RASGRF1: variants seen among roughly 807,000 people sequenced by gnomAD.
RASGRF1 encodes ras-specific guanine nucleotide-releasing factor 1.
Under a neutral mutation model 138.7 loss-of-function variants are expected in RASGRF1, and 40 were observed. That is an observed-to-expected ratio of 0.29 (90% CI 0.22 to 0.38). The LOEUF is 0.38. Ranked by LOEUF, RASGRF1 falls within the 10% of genes least tolerant of loss-of-function variation. The probability of loss-of-function intolerance (pLI) is 1.00; values close to 1 mark genes in which losing one functional copy is unlikely to be tolerated. For synonymous variants in RASGRF1, 614 were observed against 663.2 expected (o/e 0.93, Z 1.14); for missense variants, 1,108 against 1,650.4 (o/e 0.67, Z 5.69).
Position 79,049,549 on chromosome 15 carries a change from T to A in RASGRF1, c.571A>T (p.Thr191Ser). 1 of 1,614,048 alleles carries A rather than the reference T, an allele frequency of 6.2e-7. No homozygotes were observed. The highest frequency in any genetic ancestry group is 8.5e-7 in the Non-Finnish European group (1 of 1,179,998). Residue 191 changes from threonine (T) to serine (S), a missense_variant, in exon 4 of 27, where the codon ACC (threonine) becomes TCC (serine). Physicochemically the swap from Thr to Ser is moderately conservative, Grantham distance 58. This residue lies in a region of RASGRF1 where 253 missense variants were observed against 329.5 expected (regional missense o/e 0.77). Coordinates refer to ENST00000558480, the MANE Select transcript of RASGRF1 (RefSeq NM_001145648.3). ...TCATCGTTGGGGGCGACAGTCTGGG[T>A]GGACTGGATGCGCTCATTGTCCTTG... is the stretch of plus-strand genomic sequence containing the variant. ...LLKDNERIQS[T>S]QTVAPNDEDS...
chr15:79,026,973 C>A (rs994829364), intron 9 of RASGRF1, among the ~76,000 whole-genome samples: 1 of 152,138 alleles, frequency 6.6e-6, no homozygotes, highest in African/African-American at 2.4e-5. Context: ...TCCAAGGCAG[C>A]TGCACAGGCC....
intron 17 of RASGRF1, 31 bp from the exon 18 acceptor site, chr15:78,998,856 G>T: frequency 6.5e-7 from 1 of 1,532,388 alleles, no homozygotes; most frequent in Non-Finnish European, 9.0e-7. Flanking sequence ...GGGGAGAGAG[G>T]ACAGGTGAGG....
At chr15:79,035,686 C>T (rs2141007574) in intron 5 of RASGRF1, among the ~76,000 whole-genome samples, 1 of 152,338 alleles carries the variant, frequency 6.6e-6, no homozygotes, top group African/African-American at 2.4e-5. Context: ...CTGAAATCTG[C>T]CTGATGCCCC....
chr15:79,032,203 T>G lies in RASGRF1; in HGVS notation c.1072A>C (p.Lys358Gln). The G allele has an allele frequency of 6.2e-7, 1 of 1,614,086 alleles. No homozygotes were observed. The highest frequency in any genetic ancestry group is 2.2e-5 in the East Asian group (1 of 44,884). Residue 358 changes from lysine to glutamine, a missense_variant, in exon 7 of 27, where the codon AAG becomes CAG. By Grantham distance (53) the Lys-to-Gln change is moderately conservative. Transcript: ENST00000558480. The surrounding 1 kb of genome is among the most constrained non-coding windows in gnomAD (Gnocchi z 4.5). ...AHCKQNRDFD[K>Q]LLKHYEAKPD... ...TTGGCCTCGTAGTGCTTCAGCAGCTTGTCGAAGTCACGGTTCTGCTTGCAG... is the reference window on the plus strand; with the variant it reads ...TTGGCCTCGTAGTGCTTCAGCAGCTGGTCGAAGTCACGGTTCTGCTTGCAG...
chr15:79,018,058 C>G (rs572237811), intron 11 of RASGRF1, 152 bp from the exon 12 acceptor site: 1 of 1,043,572 alleles, frequency 9.6e-7, no homozygotes, highest in African/African-American at 1.6e-5. Context: ...TATTATTTTC[C>G]TAAGTGGGAA....
intron 1 of RASGRF1, among the ~76,000 whole-genome samples, chr15:79,070,159 G>A (rs749336983): frequency 6.6e-6 from 1 of 152,224 alleles, no homozygotes; most frequent in Non-Finnish European, 1.5e-5. Flanking sequence ...CCACAGGTGT[G>A]AGGTTGGGTC....
chr15:78,969,259 G>C (rs1340527642), intron 26 of RASGRF1, among the ~76,000 whole-genome samples: 1 of 152,200 alleles, frequency 6.6e-6, no homozygotes, highest in African/African-American at 2.4e-5. Context: ...GAGTTACAGA[G>C]CAGTTGTCTC....
rs1372338840 is a variant in RASGRF1 at position 79,090,599 on chromosome 15, G to GCTCGCTCC, written c.-109_-102dup. ...CGCTGCCTCTCTCTGGCGCTCGCTC[G>GCTCGCTCC]CTCGCTCCCTCTAGCTCTCCCCTCC... is the stretch of plus-strand genomic sequence containing the variant. On this transcript the variant is annotated 5_prime_UTR_variant, in exon 1 of 27. Coordinates refer to ENST00000558480, the MANE Select transcript of RASGRF1 (RefSeq NM_001145648.3). The GCTCGCTCC allele has an allele frequency of 1.7e-5, 25 of 1,509,730 alleles. No individual in the cohort carries two copies. Among genetic ancestry groups the GCTCGCTCC allele is most frequent in the Non-Finnish European group, 2.1e-5 (24 of 1,117,026 alleles). The allele number at this position is 1,509,730 out of a possible 1,614,324, so 93.5% of individuals were successfully genotyped here.
intron 4 of RASGRF1, 73 bp downstream of exon 4, chr15:79,049,423 G>T: frequency 7.0e-7 from 1 of 1,425,500 alleles, no homozygotes; most frequent in East Asian, 2.3e-5. Context: ...CTGTGGTGTG[G>T]ATACTGCCAA....
In RASGRF1 at chr15:79,066,628, ACT is replaced by A. The variant is rs780516604; in HGVS notation, c.277-2104_277-2103del. 5.9e-5 allele frequency among the ~76,000 whole-genome samples: 9 copies of A among 152,010 alleles called. No individual in the cohort carries two copies. The East Asian group carries it at 1.7e-3, about 29-fold the overall frequency. ...GTGATGGGCTTGGCTGAGGCCTTTC[ACT>A]CTTCACAGAGACTTCTTCCCAATCA... On this transcript the variant is annotated intron_variant, in intron 1 of 26. Transcript: ENST00000558480.
intron 1 of RASGRF1, among the ~76,000 whole-genome samples, chr15:79,069,491 G>C (rs952087862): frequency 2.6e-5 from 4 of 152,150 alleles, no homozygotes; most frequent in Admixed American, 6.5e-5. Context: ...TGGAGCCCTG[G>C]GAGTGAGGAA....
intron 13 of RASGRF1, among the ~76,000 whole-genome samples, chr15:79,015,038 AACC>A (rs1202512374): frequency 1.3e-5 from 2 of 152,132 alleles, no homozygotes; most frequent in Non-Finnish European, 2.9e-5. Flanking sequence ...AAATCTCACA[AACC>A]ACCACTAAAG....
chr15:79,063,288 T>G (rs1356340248), intron 2 of RASGRF1, among the ~76,000 whole-genome samples: 2 of 152,172 alleles, frequency 1.3e-5, no homozygotes, highest in African/African-American at 4.8e-5. Context: ...GTAGCTAGAA[T>G]GGATACCCCT....
Position 78,998,797 on chromosome 15 carries a change from G to C in RASGRF1, c.2775C>G (p.Asp925Glu). The change falls in exon 18 of 27, where the codon GAC (aspartate) becomes GAG (glutamate). Residue 925 changes from aspartate to glutamate, a missense_variant. By Grantham distance (45) the Asp-to-Glu change is conservative. This residue lies in a region of RASGRF1 where 686 missense variants were observed against 976.7 expected (regional missense o/e 0.70). Coordinates refer to ENST00000558480, the MANE Select transcript of RASGRF1 (RefSeq NM_001145648.3). ...AGFPPDQRNG[D>E]KEFVIRRAAT... ...CTGCTCTGCGGATCACAAACTCCTTGTCTCCATTCCTCTGGTCTGGGGGAA... is the reference window on the plus strand; with the variant it reads ...CTGCTCTGCGGATCACAAACTCCTTCTCTCCATTCCTCTGGTCTGGGGGAA... The C allele has an allele frequency of 6.2e-7, 1 of 1,614,088 alleles. No homozygotes were observed. The highest frequency in any genetic ancestry group is 8.5e-7 in the Non-Finnish European group (1 of 1,179,952).
At chr15:78,990,889 A>G (rs2062482701) in intron 21 of RASGRF1, among the ~76,000 whole-genome samples, 1 of 152,180 alleles carries the variant, frequency 6.6e-6, no homozygotes, top group Non-Finnish European at 1.5e-5. Flanking sequence ...AGGAGATGTG[A>G]CAGGTTTCCA....
chr15:79,030,277 G>T (rs1210300641), intron 8 of RASGRF1, among the ~76,000 whole-genome samples: 1 of 152,134 alleles, frequency 6.6e-6, no homozygotes, highest in Non-Finnish European at 1.5e-5. Context: ...TAGGGCCGGG[G>T]CTGGATCCCA....
intron 5 of RASGRF1, among the ~76,000 whole-genome samples, chr15:79,045,158 C>A (rs565397431): frequency 6.6e-6 from 1 of 152,284 alleles, no homozygotes; most frequent in Admixed American, 6.5e-5. Context: ...TATCTCAAGC[C>A]TCCCATTTTG....
chr15:79,029,549 C>G (rs1017450935), intron 8 of RASGRF1, among the ~76,000 whole-genome samples: 18 of 151,958 alleles, frequency 1.2e-4, no homozygotes, highest in African/African-American at 4.1e-4. Flanking sequence ...GTTTCAAGGT[C>G]GCGAGGCTCC....
chr15:79,004,274 G>T, intron 14 of RASGRF1, 99 bp from the exon 15 acceptor site: 1 of 1,392,814 alleles, frequency 7.2e-7, no homozygotes, highest in Non-Finnish European at 9.6e-7. Context: ...TGGCAGCAAC[G>T]GCTCCATCAT....
Sources: gnomAD v4.1 joint callset for allele counts (sites outside exome capture counted in the v4.1 genomes callset) on GRCh38, gnomAD v4.1.1 for gene constraint, gnomAD v4.1.1 regional missense constraint, Gnocchi (gnomAD v3.1) non-coding constraint, MANE v1.5 for transcripts, NCBI Gene and HGNC (gene_info 2026-07-23, HGNC 2026-07-21) for gene names.